Variants in MEGF11 observed in about 807,000 individuals in gnomAD.
MEGF11 encodes multiple EGF like domains 11, also known as multiple epidermal growth factor-like domains protein 11.
Under a neutral mutation model 146.6 loss-of-function variants are expected in MEGF11, and 126 were observed. The observed-to-expected ratio is 0.86, with a 90% confidence interval of 0.74 to 1.00. The LOEUF (loss-of-function observed/expected upper bound fraction) is 1.00. MEGF11 is among the 50% of genes least tolerant of loss of function. The probability of loss-of-function intolerance (pLI) is 0.00; values close to 1 mark genes in which losing one functional copy is unlikely to be tolerated. For synonymous variants in MEGF11, 532 were observed against 583.4 expected, an observed-to-expected ratio of 0.91 and a Z score of 1.27; for missense variants, 1,509 against 1,521.2, an observed-to-expected ratio of 0.99 and a Z score of 0.13.
At chr15:66,243,276 G>A (rs1239287702) in intron 1 of MEGF11, among the ~76,000 whole-genome samples, 1 of 152,194 alleles carries the variant, frequency 6.6e-6, no homozygotes, top group African/African-American at 2.4e-5. Flanking sequence ...GTTGCCCATG[G>A]TGTTTCCCAG....
chr15:65,940,488 G>A (rs1416774945), intron 10 of MEGF11, among the ~76,000 whole-genome samples: 1 of 152,220 alleles, frequency 6.6e-6, no homozygotes, highest in Non-Finnish European at 1.5e-5. Flanking sequence ...GTGACACGTG[G>A]CCCACAAGGC....
chr15:65,918,231 C>G, intron 15 of MEGF11, 137 bp from the exon 16 acceptor site: 2 of 1,213,228 alleles, frequency 1.6e-6, no homozygotes, highest in Non-Finnish European at 2.3e-6. Context: ...AGACCACGCC[C>G]GCCTTGGTAC....
In MEGF11 at chr15:65,986,124, C is replaced by T. The variant is rs371925404; in HGVS notation, c.395-3636G>A. 4.6e-5 allele frequency among the ~76,000 whole-genome samples: 7 copies of T among 151,794 alleles called. No individual in the cohort carries two copies. The East Asian group carries it at 1.4e-3, about 29-fold the overall frequency. On this transcript the variant is annotated intron_variant, in intron 5 of 25. Transcript: ENST00000395614. ...CCACCACCATGCCCAGCTAATTTTT[C>T]GTACTTTTAGTAGAGACAGGGTTTC...
At chr15:66,026,661 T>C (rs79103224) in intron 5 of MEGF11, among the ~76,000 whole-genome samples, 1 of 151,884 alleles carries the variant, frequency 6.6e-6, no homozygotes. Context: ...TTTTTTTTTT[T>C]GTATTTTTAG....
At chr15:66,030,910 C>A (rs2083491645) in intron 5 of MEGF11, among the ~76,000 whole-genome samples, 1 of 152,160 alleles carries the variant, frequency 6.6e-6, no homozygotes, top group Non-Finnish European at 1.5e-5. Flanking sequence ...CAACCTGGGG[C>A]CTGATTTCCA....
At chr15:66,065,326 A>C (rs2085078413) in intron 5 of MEGF11, among the ~76,000 whole-genome samples, 1 of 151,936 alleles carries the variant, frequency 6.6e-6, no homozygotes, top group South Asian at 2.1e-4. Context: ...GATCCAGTTT[A>C]TCTCCAGGAG....
chr15:65,924,036 A>G (rs1365728819), intron 13 of MEGF11, among the ~76,000 whole-genome samples: 1 of 152,152 alleles, frequency 6.6e-6, no homozygotes, highest in African/African-American at 2.4e-5. Context: ...GCCTTGTTAT[A>G]AGGACAGTGA....
rs1033552664 is a variant in MEGF11, at chr15:65,916,960, G to A, written c.2087-4C>T. On this transcript the variant is annotated splice_region_variant and splice_polypyrimidine_tract_variant and intron_variant, in intron 16 of 25. Transcript: ENST00000395614. ...CCCCAGAACCCGGGTGGGCAAGCTGGGATGTCGGTGAAATGCAGAGGGTGA... is the reference window on the plus strand; with the variant it reads ...CCCCAGAACCCGGGTGGGCAAGCTGAGATGTCGGTGAAATGCAGAGGGTGA... 5 of 1,501,236 alleles carry A rather than the reference G, an allele frequency of 3.3e-6. No individual in the cohort carries two copies. Among genetic ancestry groups the A allele is most frequent in the Non-Finnish European group, 4.5e-6 (5 of 1,120,388 alleles). 93.0% of individuals were successfully genotyped at this position (1,501,236 alleles called of 1,614,324 possible).
intron 7 of MEGF11, among the ~76,000 whole-genome samples, chr15:65,980,074 G>C (rs2081580464): frequency 6.6e-6 from 1 of 152,176 alleles, no homozygotes; most frequent in South Asian, 2.1e-4. Context: ...AGGGGGCGAA[G>C]TTAGATAAAT....
intron 10 of MEGF11, 42 bp downstream of exon 10, chr15:65,957,505 G>C (rs1204992596): frequency 1.3e-6 from 2 of 1,585,424 alleles, no homozygotes; most frequent in African/African-American, 1.3e-5. Context: ...GAACTGGCCC[G>C]GTGGAGGTCA....
intron 5 of MEGF11, among the ~76,000 whole-genome samples, chr15:66,005,614 A>T (rs141824034): frequency 3.3e-3 from 500 of 152,324 alleles, no homozygotes; most frequent in Non-Finnish European, 4.4e-3. Context: ...CTGTGGGTAA[A>T]CAAAAACCTT....
At chr15:65,938,330 C>T (rs1338057293) in intron 10 of MEGF11, among the ~76,000 whole-genome samples, 2 of 152,222 alleles carry the variant, frequency 1.3e-5, no homozygotes, top group African/African-American at 4.8e-5. Flanking sequence ...CCATTTGGGT[C>T]ACAGGATGCT....
intron 4 of MEGF11, among the ~76,000 whole-genome samples, chr15:66,104,202 C>A (rs2086958984): frequency 6.6e-6 from 1 of 152,198 alleles, no homozygotes; most frequent in Admixed American, 6.5e-5. Context: ...GCTGATGGGT[C>A]CCAACAAGCT....
chr15:65,913,323 T>C (rs1404984101), intron 20 of MEGF11, among the ~76,000 whole-genome samples: 1 of 152,118 alleles, frequency 6.6e-6, no homozygotes, highest in Non-Finnish European at 1.5e-5. Flanking sequence ...TCCTGAGGCG[T>C]TCACCAGGGA....
intron 15 of MEGF11, 30 bp from the exon 16 acceptor site, chr15:65,918,124 C>T (rs750474929): frequency 6.2e-7 from 1 of 1,612,294 alleles, no homozygotes; most frequent in Non-Finnish European, 8.5e-7. Context: ...TGGCACCCAT[C>T]CTCCCACCTG....
At chr15:66,197,971 T>C (rs567555415) in intron 1 of MEGF11, among the ~76,000 whole-genome samples, 1 of 152,314 alleles carries the variant, frequency 6.6e-6, no homozygotes, top group East Asian at 1.9e-4. Context: ...ATGCCTGTAA[T>C]CCCAGCTACT....
intron 5 of MEGF11, among the ~76,000 whole-genome samples, chr15:66,089,339 C>T (rs755002146): frequency 4.3e-4 from 66 of 152,164 alleles, no homozygotes; most frequent in South Asian, 8.3e-4. Context: ...CAGTGTGTAC[C>T]GGGCTTTGAC....
chr15:65,914,017 C>T (rs755923261), intron 19 of MEGF11, 44 bp from the exon 20 acceptor site: 10 of 1,497,804 alleles, frequency 6.7e-6, no homozygotes, highest in African/African-American at 4.1e-5. Context: ...GGCCTTCTTG[C>T]GCTTCAGGTC....
chr15:65,911,853 G>C (rs2078821556), intron 21 of MEGF11, among the ~76,000 whole-genome samples: 1 of 152,246 alleles, frequency 6.6e-6, no homozygotes, highest in South Asian at 2.1e-4. Flanking sequence ...GTTATACTGA[G>C]TGATGCTGTG....
Sources: allele counts gnomAD v4.1 joint callset (sites outside exome capture counted in the v4.1 genomes callset), GRCh38; gene constraint gnomAD v4.1.1; transcripts MANE v1.5; gene names NCBI Gene and HGNC (gene_info 2026-07-23, HGNC 2026-07-21).